The following GRM5 variants were observed in gnomAD, a reference collection of about 807,000 sequenced individuals.
GRM5 encodes the protein glutamate metabotropic receptor 5.
GRM5 carries 19 observed loss-of-function variants against 83.1 expected under a neutral mutation model. The observed-to-expected ratio is 0.23, with a 90% CI of 0.16 to 0.34. The LOEUF (loss-of-function observed/expected upper bound fraction) is 0.34, where lower values mean the gene tolerates loss of function less well. GRM5 is among the 10% of genes least tolerant of loss of function. The pLI, the probability that GRM5 is intolerant of heterozygous loss-of-function variation, is 1.00. For missense variants in GRM5, 1,160 were observed against 1,588.3 expected (o/e 0.73, Z 4.58); for synonymous variants, 675 against 633.6 (o/e 1.07, Z -0.98).
chr11:88,691,176 T>A (rs1037148316), intron 3 of GRM5, among the ~76,000 whole-genome samples: 1 of 152,200 alleles, frequency 6.6e-6, no homozygotes, highest in African/African-American at 2.4e-5. Context: ...GAAAGGATAG[T>A]ATATTTCTAA....
intron 2 of GRM5, among the ~76,000 whole-genome samples, chr11:88,858,709 T>C (rs1002327750): frequency 5.9e-5 from 9 of 152,154 alleles, no homozygotes; most frequent in South Asian, 2.1e-4. Context: ...CCAGCAACTC[T>C]AGTTCATATA....
chr11:89,055,229 G>A (rs1009072605), intron 1 of GRM5, among the ~76,000 whole-genome samples: 3 of 152,206 alleles, frequency 2.0e-5, no homozygotes, highest in Non-Finnish European at 4.4e-5. Flanking sequence ...TCCTGGCACA[G>A]CCATTTATTG....
chr11:88,662,481 G>C (rs919038173), intron 3 of GRM5, among the ~76,000 whole-genome samples: 4 of 151,984 alleles, frequency 2.6e-5, no homozygotes, highest in Admixed American at 2.6e-4. Flanking sequence ...TCTGATCTTT[G>C]GGGTATACAC....
At chr11:89,054,023 T>C (rs1172537292) in intron 1 of GRM5, among the ~76,000 whole-genome samples, 3 of 152,196 alleles carry the variant, frequency 2.0e-5, no homozygotes, top group African/African-American at 7.2e-5. Flanking sequence ...TAAAAGACTT[T>C]GGCCTTAACA....
intron 1 of GRM5, 52 bp from the exon 2 acceptor site, chr11:89,048,124 T>C (rs1941682632): frequency 2.3e-6 from 1 of 444,152 alleles, no homozygotes; most frequent in Admixed American, 3.9e-5. Context: ...TGCAACTAGT[T>C]TGGGGAAGTT....
chr11:89,052,785 C>CT (rs1941788055), intron 1 of GRM5, among the ~76,000 whole-genome samples: 1 of 152,122 alleles, frequency 6.6e-6, no homozygotes, highest in African/African-American at 2.4e-5. Context: ...TAAGAATTTC[C>CT]TTTGAGTGTC....
chr11:88,928,576 C>G (rs1945832641), intron 2 of GRM5, among the ~76,000 whole-genome samples: 1 of 151,138 alleles, frequency 6.6e-6, no homozygotes, highest in Non-Finnish European at 1.5e-5. Flanking sequence ...TTAAAATATC[C>G]TTAAATTTAT....
intron 2 of GRM5, among the ~76,000 whole-genome samples, chr11:88,950,805 T>C (rs1421696743): frequency 2.6e-5 from 4 of 152,222 alleles, no homozygotes; most frequent in Non-Finnish European, 4.4e-5. Context: ...ATTGTTATCA[T>C]TGAAAAGAAT....
chr11:89,052,024 G>A (rs1941771938), intron 1 of GRM5, among the ~76,000 whole-genome samples: 1 of 152,176 alleles, frequency 6.6e-6, no homozygotes, highest in African/African-American at 2.4e-5. Flanking sequence ...TCTACTCCTA[G>A]CTTCTAGTTT....
chr11:89,028,719 C>G (rs999268224), intron 2 of GRM5, among the ~76,000 whole-genome samples: 3 of 152,138 alleles, frequency 2.0e-5, no homozygotes, highest in Non-Finnish European at 4.4e-5. Flanking sequence ...GGAAAGATGC[C>G]TCAGTACATC....
At chr11:88,784,497 C>A (rs16914846) in intron 3 of GRM5, among the ~76,000 whole-genome samples, 2,459 of 152,088 alleles carry the variant, frequency 0.016, 68 homozygotes, top group African/African-American at 0.056. Context: ...TCACCCACCA[C>A]TTAATATAAA....
chr11:88,826,426 A>G (rs933138508), intron 3 of GRM5, among the ~76,000 whole-genome samples: 5 of 151,478 alleles, frequency 3.3e-5, no homozygotes, highest in African/African-American at 9.7e-5. Context: ...ACACAGACAC[A>G]CATGTATGTA....
intron 8 of GRM5, among the ~76,000 whole-genome samples, chr11:88,551,612 T>A (rs1237399532): frequency 6.6e-6 from 1 of 152,176 alleles, no homozygotes; most frequent in Non-Finnish European, 1.5e-5. Context: ...TACATTTTAG[T>A]AGATTTTAGA....
At chr11:89,057,693 A>T (rs1941907059) in intron 1 of GRM5, among the ~76,000 whole-genome samples, 1 of 152,184 alleles carries the variant, frequency 6.6e-6, no homozygotes, top group Non-Finnish European at 1.5e-5. Context: ...CACATCCTGT[A>T]GCCTTCAGCT....
At chr11:88,815,661 G>A (rs1943662675) in intron 3 of GRM5, among the ~76,000 whole-genome samples, 1 of 152,164 alleles carries the variant, frequency 6.6e-6, no homozygotes, top group Non-Finnish European at 1.5e-5. Flanking sequence ...CAAGGTGATA[G>A]AGGAAACAAA....
chr11:88,993,724 A>C (rs1475438774), intron 2 of GRM5, among the ~76,000 whole-genome samples: 1 of 151,998 alleles, frequency 6.6e-6, no homozygotes, highest in South Asian at 2.1e-4. Flanking sequence ...TGGTGTTTTT[A>C]GTTTGTTTGT....
Position 88,525,344 on chromosome 11 carries a change from C to A in GRM5, c.2691G>T (p.Gly897=). 1.2e-6 allele frequency: 2 copies of A among 1,611,006 alleles called. No individual in the cohort carries two copies. Among genetic ancestry groups the A allele is most frequent in the African/African-American group, 1.3e-5 (1 of 74,984 alleles). The change falls in exon 9 of 10, where the codon GGG becomes GGT. Residue 897 remains glycine, a synonymous_variant. Transcript: ENST00000305447. The part of the protein sequence containing the change: ...KSEIECFTPK[G]SMGNGGRATM... ...TTGCTCTCCCACCATTCCCCATACTCCCTTTGGGGGTGAAACACTCTATTT... is the reference window on the plus strand; with the variant it reads ...TTGCTCTCCCACCATTCCCCATACTACCTTTGGGGGTGAAACACTCTATTT...
At chr11:88,709,937 C>T (rs1278102678) in intron 3 of GRM5, among the ~76,000 whole-genome samples, 1 of 152,150 alleles carries the variant, frequency 6.6e-6, no homozygotes, top group African/African-American at 2.4e-5. Flanking sequence ...GCTCTGCTGC[C>T]TACCAAGCTG....
chr11:88,686,183 T>C (rs1413171064), intron 3 of GRM5, among the ~76,000 whole-genome samples: 1 of 152,164 alleles, frequency 6.6e-6, no homozygotes, highest in Admixed American at 6.5e-5. Flanking sequence ...CTTGCATCAG[T>C]GTGACCTGGA....
Sources: allele counts gnomAD v4.1 joint callset (sites outside exome capture counted in the v4.1 genomes callset), GRCh38; gene constraint gnomAD v4.1.1; transcripts MANE v1.5; gene names NCBI Gene and HGNC (gene_info 2026-07-23, HGNC 2026-07-21).